DPP10: variants seen among roughly 807,000 people sequenced by gnomAD.
DPP10 encodes inactive dipeptidyl peptidase 10.
A neutral mutation model predicts 120.9 loss-of-function variants in DPP10; 33 were observed. That is an observed-to-expected ratio of 0.27 (90% CI 0.21 to 0.37). The LOEUF is 0.37. DPP10 is among the 10% of genes least tolerant of loss of function. The probability of loss-of-function intolerance (pLI) is 1.00; values close to 1 mark genes in which losing one functional copy is unlikely to be tolerated. For missense variants in DPP10, 816 were observed against 942.8 expected, an observed-to-expected ratio of 0.87 and a Z score of 1.76; for synonymous variants, 337 against 326.1, an observed-to-expected ratio of 1.03 and a Z score of -0.36.
At chr2:115,762,323 C>A (rs1359764718) in intron 11 of DPP10, among the ~76,000 whole-genome samples, 2 of 152,070 alleles carry the variant, frequency 1.3e-5, no homozygotes, top group African/African-American at 4.8e-5. Flanking sequence ...TCTTCTCTCC[C>A]TGGTGAGGTA....
At chr2:115,004,519 C>T (rs866472232) in intron 1 of DPP10, among the ~76,000 whole-genome samples, 20 of 152,096 alleles carry the variant, frequency 1.3e-4, no homozygotes, top group African/African-American at 1.7e-4. Context: ...GTGCACCGTG[C>T]GCGAGCCAAA....
intron 1 of DPP10, among the ~76,000 whole-genome samples, chr2:115,098,540 A>T (rs888448795): frequency 6.6e-6 from 1 of 152,230 alleles, no homozygotes; most frequent in African/African-American, 2.4e-5. Flanking sequence ...ATTGTAGTCA[A>T]TTGTCACACA....
intron 1 of DPP10, among the ~76,000 whole-genome samples, chr2:114,569,818 TCA>T (rs146915685): frequency 1.8e-4 from 27 of 151,086 alleles, no homozygotes; most frequent in African/African-American, 3.4e-4. Flanking sequence ...TAAATCACAC[TCA>T]CACACACACA....
At position 115,741,426 on chromosome 2, in the gene DPP10, C is replaced by CT. The variant is rs1223700791; in HGVS notation, c.852+1546dup. 8.4e-3 allele frequency among the ~76,000 whole-genome samples: 1,200 copies of CT among 142,146 alleles called. 9 individuals carry two copies. Among genetic ancestry groups the CT allele is most frequent in the South Asian group, 0.012 (54 of 4,478 alleles). The allele number at this position is 142,146 out of a possible 152,430, so 93.3% of individuals were successfully genotyped here. A position where few individuals can be genotyped will look rare whatever the true frequency, so the allele number is the denominator to read the frequency against. On this transcript the variant is annotated intron_variant, in intron 9 of 25. Transcript: ENST00000410059. ...CTGCTTTCTCCAATTATAGATTTAG[C>CT]TTTTTTTTTTTTTGGCATGACAGTT... is the stretch of plus-strand genomic sequence containing the variant.
At chr2:114,650,627 G>A (rs1221091392) in intron 1 of DPP10, among the ~76,000 whole-genome samples, 8 of 152,152 alleles carry the variant, frequency 5.3e-5, no homozygotes, top group Admixed American at 2.0e-4. Context: ...GAATTAGAAA[G>A]ATAAGGAGTC....
chr2:114,959,866 T>C (rs1305190498), intron 1 of DPP10, among the ~76,000 whole-genome samples: 1 of 152,248 alleles, frequency 6.6e-6, no homozygotes, highest in East Asian at 1.9e-4. Context: ...TCATTTATCT[T>C]TGTTGTAGAA....
intron 1 of DPP10, among the ~76,000 whole-genome samples, chr2:115,009,682 G>C (rs970529408): frequency 1.3e-5 from 2 of 151,650 alleles, no homozygotes; most frequent in African/African-American, 4.8e-5. Context: ...TGTAGATGAC[G>C]GGTTGATGGG....
intron 3 of DPP10, among the ~76,000 whole-genome samples, chr2:115,469,977 G>A (rs1308295651): frequency 2.0e-5 from 3 of 151,888 alleles, no homozygotes; most frequent in African/African-American, 7.3e-5. Context: ...GAATGCACTG[G>A]ATTAATTCCA....
chr2:115,359,068 G>T (rs1024742155), intron 3 of DPP10, among the ~76,000 whole-genome samples: 1 of 152,106 alleles, frequency 6.6e-6, no homozygotes, highest in African/African-American at 2.4e-5. Flanking sequence ...CAGATGGTTG[G>T]GTCTAGCATT....
intron 12 of DPP10, among the ~76,000 whole-genome samples, chr2:115,767,891 G>T (rs906516461): frequency 2.0e-5 from 3 of 152,104 alleles, no homozygotes; most frequent in Non-Finnish European, 4.4e-5. Context: ...ATATGTTACA[G>T]AATTTTGTAA....
At chr2:115,472,563 GAAC>G (rs1301631613) in intron 3 of DPP10, among the ~76,000 whole-genome samples, 4 of 152,062 alleles carry the variant, frequency 2.6e-5, no homozygotes, top group Non-Finnish European at 5.9e-5. Context: ...TAGCATTCTA[GAAC>G]ACATGTGCCT....
chr2:114,477,028 G>C (rs998237032), intron 1 of DPP10, among the ~76,000 whole-genome samples: 3 of 151,468 alleles, frequency 2.0e-5, no homozygotes, highest in African/African-American at 7.3e-5. Flanking sequence ...GCATGATTTC[G>C]GCTCACTGCA....
intron 1 of DPP10, among the ~76,000 whole-genome samples, chr2:115,250,719 A>C (rs771658487): frequency 2.0e-5 from 3 of 152,206 alleles, no homozygotes; most frequent in Admixed American, 6.5e-5. Context: ...GAAAGCCTTT[A>C]CTTTGGAAAG....
At chr2:115,310,516 G>A (rs371485029) in intron 2 of DPP10, among the ~76,000 whole-genome samples, 1 of 152,184 alleles carries the variant, frequency 6.6e-6, no homozygotes, top group African/African-American at 2.4e-5. Flanking sequence ...ATGTGGAGAG[G>A]TTGAGAAAGA....
intron 1 of DPP10, among the ~76,000 whole-genome samples, chr2:114,998,136 CA>C (rs888236692): frequency 5.3e-5 from 8 of 151,768 alleles, no homozygotes; most frequent in African/African-American, 1.9e-4. Context: ...TACTTAACAG[CA>C]AAAAAATGTG....
intron 5 of DPP10, among the ~76,000 whole-genome samples, chr2:115,661,916 A>G (rs572548967): frequency 5.5e-4 from 84 of 152,334 alleles, no homozygotes; most frequent in African/African-American, 2.0e-3. Flanking sequence ...TTTCAAGTAT[A>G]TAAAACAGTA....
chr2:114,718,958 C>A (rs1234019361), intron 1 of DPP10, among the ~76,000 whole-genome samples: 1 of 152,172 alleles, frequency 6.6e-6, no homozygotes, highest in African/African-American at 2.4e-5. Flanking sequence ...AAAATTAATT[C>A]TTGCACTGAA....
chr2:114,779,836 C>T (rs1402775139), intron 1 of DPP10, among the ~76,000 whole-genome samples: 1 of 152,098 alleles, frequency 6.6e-6, no homozygotes, highest in African/African-American at 2.4e-5. Context: ...ATGAGGATAA[C>T]ATAAGAAAGG....
intron 5 of DPP10, among the ~76,000 whole-genome samples, chr2:115,568,169 A>G (rs1288438620): frequency 8.5e-6 from 1 of 117,136 alleles, no homozygotes; most frequent in East Asian, 2.5e-4. Context: ...CAAGAGAGAG[A>G]CTCCGTCTCA....
Sources: allele counts gnomAD v4.1 joint callset (sites outside exome capture counted in the v4.1 genomes callset), GRCh38; gene constraint gnomAD v4.1.1; transcripts MANE v1.5; gene names NCBI Gene and HGNC (gene_info 2026-07-23, HGNC 2026-07-21).